The following RHBDD1 variants were observed in gnomAD, a reference collection of about 807,000 sequenced individuals.
RHBDD1 encodes rhomboid-related protein 4.
Under a neutral mutation model 36.3 loss-of-function variants are expected in RHBDD1, and 38 were observed. That is an observed-to-expected ratio of 1.05 (90% confidence interval 0.81 to 1.37). The LOEUF is 1.37. RHBDD1 is among the 40% of genes most tolerant of loss of function. RHBDD1 has a pLI of 0.00. For synonymous variants in RHBDD1, 151 were observed against 136.5 expected (o/e 1.11, Z -0.74); for missense variants, 393 against 377.6 (o/e 1.04, Z -0.34).
chr2:226,892,267 AGTCAT>A (rs1289763275), intron 5 of RHBDD1, among the ~76,000 whole-genome samples: 2 of 152,194 alleles, frequency 1.3e-5, no homozygotes, highest in Non-Finnish European at 2.9e-5. Flanking sequence ...AAGGTCTCTG[AGTCAT>A]GTAGTAGATG....
Position 226,920,093 on chromosome 2 carries a change from TTTGTATTTAAATAA to T in RHBDD1, c.856+5743_856+5756del, listed in dbSNP as rs1186840627. 1.3e-4 allele frequency among the ~76,000 whole-genome samples: 19 copies of T among 151,914 alleles called. No homozygotes were observed. The South Asian group carries it at 1.9e-3, about 15-fold the overall frequency. On this transcript the variant is annotated intron_variant, in intron 8 of 8. Transcript: ENST00000392062. The stretch of plus-strand genomic sequence containing the variant: ...ATTTTACTTGTAGCTATTTTAAATA[TTTGTATTTAAATAA>T]ATAAATAAATAAATAAAAACTTGTA...
chr2:226,830,586 C>T (rs1940717820), upstream of RHBDD1, among the ~76,000 whole-genome samples: 1 of 152,142 alleles, frequency 6.6e-6, no homozygotes, highest in African/African-American at 2.4e-5. Context: ...CCCACTAGAC[C>T]CTCAGACTCT....
chr2:226,892,507 G>A (rs1237525331), intron 5 of RHBDD1, among the ~76,000 whole-genome samples: 1 of 152,190 alleles, frequency 6.6e-6, no homozygotes, highest in Non-Finnish European at 1.5e-5. Flanking sequence ...TGAGGTATCA[G>A]GTTTTTATAA....
intron 8 of RHBDD1, among the ~76,000 whole-genome samples, chr2:226,915,143 G>A (rs1948808765): frequency 6.6e-6 from 1 of 152,044 alleles, no homozygotes; most frequent in Admixed American, 6.6e-5. Flanking sequence ...AGCATCAGGT[G>A]ACTAAGAGAG....
chr2:226,831,199 T>C (rs963196399), upstream of RHBDD1, among the ~76,000 whole-genome samples: 3 of 152,188 alleles, frequency 2.0e-5, no homozygotes, highest in African/African-American at 7.2e-5. Context: ...AATTTCTTCC[T>C]TAAATATTTG....
At chr2:226,809,079 G>A in the RHBDD1 span, among the ~76,000 whole-genome samples, 2 of 152,196 alleles carry the variant, frequency 1.3e-5, no homozygotes, top group South Asian at 4.1e-4. Context: ...AGGTATAAAT[G>A]TAAAGGTTGT....
chr2:226,984,900 G>A (rs1028896872), intron 8 of RHBDD1, among the ~76,000 whole-genome samples: 1 of 119,676 alleles, frequency 8.4e-6, no homozygotes, highest in African/African-American at 3.2e-5. Context: ...TCTCACTTCC[G>A]CCCTTCTGAT....
At chr2:226,854,562 C>T (rs1943135311) in intron 3 of RHBDD1, among the ~76,000 whole-genome samples, 1 of 147,612 alleles carries the variant, frequency 6.8e-6, no homozygotes, top group Non-Finnish European at 1.5e-5. Context: ...GATCGCACCA[C>T]TGCACACCAG....
At chr2:226,979,003 T>C (rs922469182) in intron 8 of RHBDD1, among the ~76,000 whole-genome samples, 23 of 151,448 alleles carry the variant, frequency 1.5e-4, no homozygotes, top group African/African-American at 5.6e-4. Context: ...TAAAAAAGAG[T>C]TTATTATGGA....
In RHBDD1 at chr2:226,908,809, C is replaced by T; in HGVS notation, c.656-13C>T. On this transcript the variant is annotated splice_polypyrimidine_tract_variant and intron_variant, in intron 6 of 8. Coordinates refer to ENST00000392062, the MANE Select transcript of RHBDD1 (RefSeq NM_001167608.3). ...ATGGCTGCCATTAAAATGTTTATTT[C>T]TTTTACGTTTAGGCGGTTTTTCCTC... The T allele has an allele frequency of 6.3e-7, 1 of 1,592,412 alleles. No individual in the cohort carries two copies. Among genetic ancestry groups the T allele is most frequent in the East Asian group, 2.2e-5 (1 of 44,764 alleles).
chr2:226,918,445 T>C (rs920847961), intron 8 of RHBDD1, among the ~76,000 whole-genome samples: 3 of 152,020 alleles, frequency 2.0e-5, no homozygotes, highest in Admixed American at 1.3e-4. Flanking sequence ...TTTGTACCCA[T>C]TAACCATCTT....
chr2:226,842,264 C>G (rs1037141373), intron 3 of RHBDD1, among the ~76,000 whole-genome samples: 5 of 152,246 alleles, frequency 3.3e-5, no homozygotes, highest in African/African-American at 1.2e-4. Context: ...ATGATAGTCT[C>G]TTTTGCTGTG....
At chr2:226,840,190 C>G (rs1355007060) in intron 3 of RHBDD1, among the ~76,000 whole-genome samples, 3 of 152,068 alleles carry the variant, frequency 2.0e-5, no homozygotes, top group Non-Finnish European at 4.4e-5. Context: ...CAACCAGCTG[C>G]TTTGTGGCAA....
At chr2:226,880,448 A>G (rs1290134936) in intron 5 of RHBDD1, among the ~76,000 whole-genome samples, 1 of 152,216 alleles carries the variant, frequency 6.6e-6, no homozygotes, top group African/African-American at 2.4e-5. Context: ...GGTGAGAGCA[A>G]TATTTAACCC....
chr2:226,868,939 G>A (rs1023582683), intron 5 of RHBDD1, among the ~76,000 whole-genome samples: 5 of 152,104 alleles, frequency 3.3e-5, no homozygotes, highest in African/African-American at 1.2e-4. Flanking sequence ...GTCACTCACT[G>A]CTCCCCTGAC....
At position 226,997,161 on chromosome 2, in the gene RHBDD1, T is replaced by G. The variant is rs531266050; in HGVS notation, c.*1639T>G. 1 of 152,220 alleles carries G rather than the reference T, an allele frequency of 6.6e-6. No homozygotes were observed. The highest frequency in any genetic ancestry group is 2.4e-5 in the African/African-American group (1 of 41,456). The allele number at this position is 152,220 out of a possible 1,614,324, so 9.4% of individuals were successfully genotyped here. A position where few individuals can be genotyped will look rare whatever the true frequency, so the allele number is the denominator to read the frequency against. On this transcript the variant is annotated 3_prime_UTR_variant, in exon 9 of 9. Coordinates refer to ENST00000392062, the MANE Select transcript of RHBDD1 (RefSeq NM_001167608.3). Reference sequence around the variant, plus strand: ...TGGCCTCCTGGCTGGCCCAGTAATATCTGAGCTCCTTTGGTTAATTTATAA... The same window carrying G: ...TGGCCTCCTGGCTGGCCCAGTAATAGCTGAGCTCCTTTGGTTAATTTATAA...
At chr2:226,940,348 G>C (rs547476798) in intron 8 of RHBDD1, among the ~76,000 whole-genome samples, 1 of 151,804 alleles carries the variant, frequency 6.6e-6, no homozygotes, top group Admixed American at 6.6e-5. Context: ...CTATCTAATT[G>C]TACGCATCAA....
chr2:226,984,045 G>A (rs1240626034), intron 8 of RHBDD1, among the ~76,000 whole-genome samples: 1 of 152,180 alleles, frequency 6.6e-6, no homozygotes, highest in Admixed American at 6.5e-5. Context: ...GGGAGCTGCT[G>A]TCTCCGGCAA....
intron 5 of RHBDD1, among the ~76,000 whole-genome samples, chr2:226,868,149 G>A (rs1944493284): frequency 6.6e-6 from 1 of 151,914 alleles, no homozygotes; most frequent in South Asian, 2.1e-4. Flanking sequence ...AAGTGGAATG[G>A]GGCCCCTTTC....
Sources: gnomAD v4.1 joint callset for allele counts (sites outside exome capture counted in the v4.1 genomes callset) on GRCh38, gnomAD v4.1.1 for gene constraint, MANE v1.5 for transcripts, NCBI Gene and HGNC (gene_info 2026-07-23, HGNC 2026-07-21) for gene names.